PARD3: variants seen among roughly 807,000 people sequenced by gnomAD.
The protein encoded by PARD3 is partitioning defective 3 homolog.
Under a neutral mutation model 155.4 loss-of-function variants are expected in PARD3, and 75 were observed. The ratio of observed to expected loss-of-function variants is 0.48; its 90% CI spans 0.40 to 0.58. The LOEUF is 0.58. PARD3 is among the 20% of genes least tolerant of loss of function. The pLI, the probability that PARD3 is intolerant of heterozygous loss-of-function variation, is 0.00. For synonymous variants in PARD3, 576 were observed against 610.5 expected (o/e 0.94, Z 0.83); for missense variants, 1,642 against 1,721.7 (o/e 0.95, Z 0.82).
At chr10:34,585,132 T>C (rs965547282) in intron 2 of PARD3, among the ~76,000 whole-genome samples, 1 of 152,220 alleles carries the variant, frequency 6.6e-6, no homozygotes, top group Non-Finnish European at 1.5e-5. Flanking sequence ...TCTCTTCAAC[T>C]TGATATGTTT....
At chr10:34,169,102 T>G (rs987408930) in intron 22 of PARD3, among the ~76,000 whole-genome samples, 1 of 152,200 alleles carries the variant, frequency 6.6e-6, no homozygotes, top group African/African-American at 2.4e-5. Context: ...CCCCTTTGAA[T>G]AGGAATTAAG....
chr10:34,182,329 T>C (rs1028875645), intron 22 of PARD3, among the ~76,000 whole-genome samples: 11 of 152,238 alleles, frequency 7.2e-5, no homozygotes, highest in African/African-American at 2.7e-4. Flanking sequence ...TAGATTTCTC[T>C]ACATATACTA....
intron 7 of PARD3, among the ~76,000 whole-genome samples, chr10:34,395,357 AG>A (rs914863776): frequency 6.6e-6 from 1 of 152,162 alleles, no homozygotes; most frequent in African/African-American, 2.4e-5. Context: ...TTAAATCAGG[AG>A]GAAATGAAAT....
At position 34,249,678 on chromosome 10, in the gene PARD3, C is replaced by A. The variant is rs115985298; in HGVS notation, c.3419+19979G>T. On this transcript the variant is annotated intron_variant, in intron 22 of 24. Transcript: ENST00000374788. ...GAAGTTCCAACCATATGTCCCCCAC[C>A]CTGTATGGTCTGTCTCTGGCTCTGA... is the stretch of plus-strand genomic sequence containing the variant. Among the ~76,000 whole-genome samples the A allele has an allele frequency of 9.5e-3, 1,451 of 152,222 alleles. 22 individuals are homozygous for A. The highest frequency in any genetic ancestry group is 0.032 in the African/African-American group (1,323 of 41,524).
chr10:34,680,984 TAA>T (rs77097866), intron 2 of PARD3, among the ~76,000 whole-genome samples: 184 of 126,618 alleles, frequency 1.5e-3, no homozygotes, highest in African/African-American at 4.7e-3. Context: ...TAAAGTATAA[TAA>T]AAAAAAAAAA....
At chr10:34,580,343 ATCCCCGTCTC>A (rs2087325007) in intron 2 of PARD3, among the ~76,000 whole-genome samples, 1 of 152,058 alleles carries the variant, frequency 6.6e-6, no homozygotes, top group South Asian at 2.1e-4. Context: ...AACATGACGA[ATCCCCGTCTC>A]TAGAAAAAAA....
intron 5 of PARD3, among the ~76,000 whole-genome samples, chr10:34,429,243 A>C (rs922330403): frequency 6.6e-6 from 1 of 152,134 alleles, no homozygotes; most frequent in Non-Finnish European, 1.5e-5. Flanking sequence ...TATTCATGAA[A>C]TGAAATGATA....
chr10:34,138,699 A>G (rs916776071), intron 22 of PARD3, among the ~76,000 whole-genome samples: 2 of 152,160 alleles, frequency 1.3e-5, no homozygotes, highest in Non-Finnish European at 2.9e-5. Flanking sequence ...GCACAGGTAC[A>G]TGGTAAAGAT....
chr10:34,525,557 C>G (rs1254562548), intron 2 of PARD3, among the ~76,000 whole-genome samples: 1 of 152,188 alleles, frequency 6.6e-6, no homozygotes, highest in Non-Finnish European at 1.5e-5. Flanking sequence ...AACGTGGAAA[C>G]AGGGGTCAAC....
intron 3 of PARD3, among the ~76,000 whole-genome samples, chr10:34,498,537 G>A (rs778580205): frequency 1.3e-5 from 2 of 152,286 alleles, no homozygotes; most frequent in Non-Finnish European, 2.9e-5. Context: ...AGCACTTTGG[G>A]AGGCCAAGGC....
At chr10:34,414,535 T>C (rs1334019157) in intron 5 of PARD3, among the ~76,000 whole-genome samples, 3 of 151,656 alleles carry the variant, frequency 2.0e-5, no homozygotes, top group Non-Finnish European at 2.9e-5. Flanking sequence ...AACAACAATC[T>C]GGCTGGGCGT....
intron 23 of PARD3, among the ~76,000 whole-genome samples, chr10:34,125,373 C>A (rs1364239866): frequency 6.6e-6 from 1 of 152,168 alleles, no homozygotes. Context: ...CCCTCCAGGT[C>A]TATTTCTATG....
intron 2 of PARD3, among the ~76,000 whole-genome samples, chr10:34,683,342 A>G (rs2093882224): frequency 6.6e-6 from 1 of 152,016 alleles, no homozygotes; most frequent in Non-Finnish European, 1.5e-5. Flanking sequence ...ATCATCACCC[A>G]ATATACCTAT....
intron 22 of PARD3, among the ~76,000 whole-genome samples, chr10:34,216,038 CTG>C (rs1951987814): frequency 1.3e-5 from 2 of 152,224 alleles, no homozygotes; most frequent in South Asian, 4.2e-4. Context: ...GAGTAGCTGA[CTG>C]AATCTACTTG....
intron 1 of PARD3, among the ~76,000 whole-genome samples, chr10:34,731,615 TAG>T (rs1417639038): frequency 6.6e-6 from 1 of 152,218 alleles, no homozygotes; most frequent in Non-Finnish European, 1.5e-5. Context: ...GCAAAGACTC[TAG>T]AGGTCACCAA....
At chr10:34,303,263 T>G (rs2134035277) in intron 20 of PARD3, among the ~76,000 whole-genome samples, 1 of 151,014 alleles carries the variant, frequency 6.6e-6, no homozygotes, top group African/African-American at 2.4e-5. Context: ...CAAAGTAACA[T>G]CAGGCAACTG....
chr10:34,502,770 A>G (rs990107092), intron 3 of PARD3, among the ~76,000 whole-genome samples: 2 of 152,160 alleles, frequency 1.3e-5, no homozygotes, highest in African/African-American at 4.8e-5. Flanking sequence ...AAACAAAAAC[A>G]AAAAACAACA....
intron 24 of PARD3, among the ~76,000 whole-genome samples, chr10:34,118,565 C>T (rs780218712): frequency 2.6e-5 from 4 of 152,042 alleles, no homozygotes; most frequent in Non-Finnish European, 5.9e-5. Flanking sequence ...AGGCTGGTCT[C>T]GAACTCCTGG....
intron 2 of PARD3, among the ~76,000 whole-genome samples, chr10:34,579,574 G>GTGTGTGTGTGTATT (rs1554775640): frequency 6.6e-6 from 1 of 150,988 alleles, no homozygotes; most frequent in South Asian, 2.1e-4. Flanking sequence ...GTGTGTGTGT[G>GTGTGTGTGTGTATT]TGTGTGTGTG....
Sources: gnomAD v4.1 joint callset for allele counts (sites outside exome capture counted in the v4.1 genomes callset) on GRCh38, gnomAD v4.1.1 for gene constraint, MANE v1.5 for transcripts, NCBI Gene and HGNC (gene_info 2026-07-23, HGNC 2026-07-21) for gene names.